WWTR1: variants seen among roughly 807,000 people sequenced by gnomAD.
WWTR1 encodes the protein WW domain-containing transcription regulator protein 1.
Under a neutral mutation model 40.1 loss-of-function variants are expected in WWTR1, and 13 were observed. That is an observed-to-expected ratio of 0.32 (90% CI 0.21 to 0.52). WWTR1 has a LOEUF of 0.52. Ranked by LOEUF, WWTR1 falls within the 20% of genes least tolerant of loss-of-function variation. The pLI, the probability that WWTR1 is intolerant of heterozygous loss-of-function variation, is 0.97. For synonymous variants in WWTR1, 230 were observed against 210.1 expected, an observed-to-expected ratio of 1.09 and a Z score of -0.82; for missense variants, 436 against 523.1, an observed-to-expected ratio of 0.83 and a Z score of 1.63.
chr3:149,541,684 G>T (rs895503487), intron 4 of WWTR1, among the ~76,000 whole-genome samples: 8 of 152,002 alleles, frequency 5.3e-5, no homozygotes, highest in African/African-American at 1.9e-4. Context: ...TAGGCCCCAA[G>T]AAATTGGCAA....
At chr3:149,533,255 A>G (rs574873359) in intron 4 of WWTR1, among the ~76,000 whole-genome samples, 10 of 152,130 alleles carry the variant, frequency 6.6e-5, no homozygotes, top group African/African-American at 1.9e-4. Context: ...CCTCCAATCA[A>G]CCTTCAAGTG....
chr3:149,544,647 C>T (rs771732494), intron 3 of WWTR1, among the ~76,000 whole-genome samples: 1 of 152,138 alleles, frequency 6.6e-6, no homozygotes, highest in African/African-American at 2.4e-5. Context: ...AGACCAAAAT[C>T]GAGATCCTCT....
chr3:149,604,832 C>A (rs773558019), intron 2 of WWTR1, among the ~76,000 whole-genome samples: 2 of 152,228 alleles, frequency 1.3e-5, no homozygotes, highest in Non-Finnish European at 2.9e-5. Context: ...CCAGGAAAAA[C>A]CAGGCATAGA....
intron 1 of WWTR1, among the ~76,000 whole-genome samples, chr3:149,685,153 A>C (rs2108207588): frequency 6.6e-6 from 1 of 152,258 alleles, no homozygotes. Context: ...TGCCTTACAA[A>C]CCACTAATTT....
chr3:149,565,490 A>G (rs1737272409), intron 3 of WWTR1, among the ~76,000 whole-genome samples: 1 of 152,214 alleles, frequency 6.6e-6, no homozygotes, highest in Non-Finnish European at 1.5e-5. Context: ...CCATGAAAAC[A>G]TAAGATTTAT....
chr3:149,543,331 C>T (rs920111616), intron 3 of WWTR1, among the ~76,000 whole-genome samples: 6 of 151,914 alleles, frequency 3.9e-5, no homozygotes, highest in African/African-American at 1.5e-4. Context: ...GCCTGTAATC[C>T]CAGCACTTTG....
chr3:149,545,469 C>T (rs745803123), intron 3 of WWTR1, among the ~76,000 whole-genome samples: 4 of 152,112 alleles, frequency 2.6e-5, no homozygotes, highest in Non-Finnish European at 4.4e-5. Flanking sequence ...ATCAGAAATA[C>T]CCAGGTTAGG....
At chr3:149,530,614 T>G (rs1450156012) in intron 4 of WWTR1, among the ~76,000 whole-genome samples, 1 of 151,622 alleles carries the variant, frequency 6.6e-6, no homozygotes, top group East Asian at 1.9e-4. Context: ...CTTGTGTGTG[T>G]CTAAATATAT....
chr3:149,577,089 G>A (rs1454177707), intron 2 of WWTR1, among the ~76,000 whole-genome samples: 4 of 152,010 alleles, frequency 2.6e-5, no homozygotes, highest in Non-Finnish European at 4.4e-5. Flanking sequence ...CCCAGGAGGC[G>A]GAGATTGTGG....
chr3:149,688,929 A>G (rs1343428113), intron 1 of WWTR1, among the ~76,000 whole-genome samples: 2 of 152,232 alleles, frequency 1.3e-5, no homozygotes, highest in Admixed American at 6.5e-5. Flanking sequence ...ATCCTATTAG[A>G]TAAGTTTAAC....
At chr3:149,609,448 A>G (rs918718056) in intron 2 of WWTR1, among the ~76,000 whole-genome samples, 1 of 152,232 alleles carries the variant, frequency 6.6e-6, no homozygotes, top group Non-Finnish European at 1.5e-5. Flanking sequence ...GGAATCTAAG[A>G]ATGGTTTTTA....
intron 2 of WWTR1, among the ~76,000 whole-genome samples, chr3:149,639,278 C>T (rs946274094): frequency 6.6e-6 from 1 of 152,182 alleles, no homozygotes; most frequent in African/African-American, 2.4e-5. Flanking sequence ...TCATAGTTCA[C>T]TGCAACCCTG....
chr3:149,706,772 A>T (rs1400163508), upstream of WWTR1, among the ~76,000 whole-genome samples: 1 of 152,226 alleles, frequency 6.6e-6, no homozygotes, highest in Non-Finnish European at 1.5e-5. Flanking sequence ...TTAGAATAGA[A>T]TATCTTGCTG....
intron 1 of WWTR1, among the ~76,000 whole-genome samples, chr3:149,671,405 CAA>C (rs1714085117): frequency 6.6e-6 from 1 of 152,278 alleles, no homozygotes; most frequent in East Asian, 1.9e-4. Context: ...ACGAAGCTTT[CAA>C]AAGAGGTTTG....
intron 2 of WWTR1, among the ~76,000 whole-genome samples, chr3:149,621,785 T>C (rs1740286327): frequency 6.6e-6 from 1 of 152,238 alleles, no homozygotes; most frequent in Non-Finnish European, 1.5e-5. Context: ...AAGTTGTACA[T>C]GGACGATGGA....
intron 2 of WWTR1, among the ~76,000 whole-genome samples, chr3:149,595,208 C>T (rs1291582064): frequency 1.3e-5 from 2 of 151,950 alleles, no homozygotes; most frequent in Non-Finnish European, 2.9e-5. Flanking sequence ...GATCCACTCA[C>T]CTCGGCCTCC....
intron 2 of WWTR1, among the ~76,000 whole-genome samples, chr3:149,654,905 C>A (rs888667854): frequency 1.3e-5 from 2 of 148,858 alleles, no homozygotes; most frequent in Non-Finnish European, 3.0e-5. Context: ...GGGCAGATCA[C>A]GAGGTCAGGA....
chr3:149,589,590 A>G (rs1342456596), intron 2 of WWTR1, among the ~76,000 whole-genome samples: 1 of 151,716 alleles, frequency 6.6e-6, no homozygotes, highest in Non-Finnish European at 1.5e-5. Flanking sequence ...CATCATAATT[A>G]CCAGAGGAAA....
intron 2 of WWTR1, among the ~76,000 whole-genome samples, chr3:149,575,103 A>G (rs1362122407): frequency 2.6e-5 from 4 of 152,138 alleles, no homozygotes; most frequent in Non-Finnish European, 5.9e-5. Flanking sequence ...CCCCCAAAAA[A>G]AAAAGATGGG....
Sources: allele counts gnomAD v4.1 joint callset (sites outside exome capture counted in the v4.1 genomes callset), GRCh38; gene constraint gnomAD v4.1.1; transcripts MANE v1.5; gene names NCBI Gene and HGNC (gene_info 2026-07-23, HGNC 2026-07-21).